PDE1C: variants seen among roughly 807,000 people sequenced by gnomAD.
PDE1C encodes the protein phosphodiesterase 1C.
A neutral mutation model predicts 93.1 loss-of-function variants in PDE1C; 62 were observed. That is an observed-to-expected ratio of 0.67 (90% CI 0.54 to 0.82). The LOEUF is 0.82. Among genes scored for constraint, PDE1C ranks in the 40% least tolerant of loss-of-function variants. The pLI is 0.00. For missense variants in PDE1C, 742 were observed against 884.6 expected, an observed-to-expected ratio of 0.84 and a Z score of 2.04; for synonymous variants, 325 against 310.1, an observed-to-expected ratio of 1.05 and a Z score of -0.50.
At chr7:31,861,960 C>T (rs1324923233) in intron 7 of PDE1C, among the ~76,000 whole-genome samples, 2 of 152,180 alleles carry the variant, frequency 1.3e-5, no homozygotes, top group Non-Finnish European at 2.9e-5. Flanking sequence ...CCTCATAATG[C>T]ACCACTGTCC....
chr7:31,631,212 GT>G, the PDE1C span, among the ~76,000 whole-genome samples: 1 of 152,102 alleles, frequency 6.6e-6, no homozygotes, highest in Non-Finnish European at 1.5e-5. Flanking sequence ...CCTATCAATT[GT>G]TTTTTACAGA....
chr7:31,888,788 G>C (rs998466253), intron 2 of PDE1C, among the ~76,000 whole-genome samples: 1 of 151,504 alleles, frequency 6.6e-6, no homozygotes, highest in Non-Finnish European at 1.5e-5. Context: ...AGAAATAATA[G>C]ACATAGGACT....
chr7:31,721,997 C>T, the PDE1C span, among the ~76,000 whole-genome samples: 8 of 152,202 alleles, frequency 5.3e-5, no homozygotes, highest in African/African-American at 1.9e-4. Context: ...AAGTATAACT[C>T]TTACGGCTCA....
chr7:32,198,700 T>C (rs1444296698), intron 2 of PDE1C, among the ~76,000 whole-genome samples: 1 of 152,218 alleles, frequency 6.6e-6, no homozygotes, highest in African/African-American at 2.4e-5. Flanking sequence ...CAGAAACTTT[T>C]CTTTGACAGC....
At chr7:31,859,857 T>C (rs1050078039) in intron 7 of PDE1C, among the ~76,000 whole-genome samples, 3 of 152,180 alleles carry the variant, frequency 2.0e-5, no homozygotes, top group Non-Finnish European at 2.9e-5. Flanking sequence ...CTATGTTTAA[T>C]AATATACATC....
At chr7:32,407,188 T>A (rs1785071368) in intron 1 of PDE1C, among the ~76,000 whole-genome samples, 1 of 151,830 alleles carries the variant, frequency 6.6e-6, no homozygotes, top group African/African-American at 2.4e-5. Context: ...GGCAAGAGAA[T>A]CACTTGAACC....
At chr7:31,775,594 A>C in intron 17 of PDE1C, 70 bp downstream of exon 17, 1 of 1,299,894 alleles carries the variant, frequency 7.7e-7, no homozygotes, top group Non-Finnish European at 1.1e-6. Context: ...TTATCAACCC[A>C]ATTCCCGAGA....
At chr7:31,709,669 A>C in the PDE1C span, among the ~76,000 whole-genome samples, 1 of 152,144 alleles carries the variant, frequency 6.6e-6, no homozygotes. Flanking sequence ...AACCAGACAA[A>C]ACATAACCAA....
At chr7:31,729,854 C>T in the PDE1C span, among the ~76,000 whole-genome samples, 4 of 152,126 alleles carry the variant, frequency 2.6e-5, no homozygotes, top group African/African-American at 9.7e-5. Context: ...TTCTCAGGAG[C>T]CTTCTGTAGA....
intron 2 of PDE1C, among the ~76,000 whole-genome samples, chr7:32,012,611 T>C (rs1563192490): frequency 6.6e-6 from 1 of 152,098 alleles, no homozygotes; most frequent in Non-Finnish European, 1.5e-5. Context: ...GGGATAGGCA[T>C]ATGGGGGAGA....
chr7:32,103,877 TAGG>T (rs1464822748), intron 3 of PDE1C, among the ~76,000 whole-genome samples: 5 of 151,626 alleles, frequency 3.3e-5, no homozygotes, highest in Non-Finnish European at 5.9e-5. Context: ...ACCCAAATAA[TAGG>T]AGAAGAGAAT....
intron 1 of PDE1C, among the ~76,000 whole-genome samples, chr7:32,332,741 G>A (rs1452499906): frequency 6.6e-6 from 1 of 152,110 alleles, no homozygotes; most frequent in Non-Finnish European, 1.5e-5. Context: ...ACAATAACAT[G>A]GATGAATCTC....
At chr7:32,322,543 G>T (rs564411440) in intron 1 of PDE1C, among the ~76,000 whole-genome samples, 2 of 152,300 alleles carry the variant, frequency 1.3e-5, no homozygotes, top group East Asian at 3.9e-4. Flanking sequence ...GTTCAAGGAT[G>T]CAGTAAGCTA....
At chr7:31,741,152 T>C in the PDE1C span, among the ~76,000 whole-genome samples, 1 of 152,218 alleles carries the variant, frequency 6.6e-6, no homozygotes, top group African/African-American at 2.4e-5. Flanking sequence ...TTTGATCTTT[T>C]AGTCTCAGCT....
intron 17 of PDE1C, among the ~76,000 whole-genome samples, chr7:31,774,300 C>A (rs1795691040): frequency 6.6e-6 from 1 of 151,630 alleles, no homozygotes; most frequent in Non-Finnish European, 1.5e-5. Flanking sequence ...ACTAAAAAAA[C>A]TGTTTTTTTA....
At chr7:32,184,305 C>T (rs1803682979) in intron 2 of PDE1C, among the ~76,000 whole-genome samples, 2 of 152,176 alleles carry the variant, frequency 1.3e-5, no homozygotes, top group African/African-American at 2.4e-5. Flanking sequence ...TGGGTATATA[C>T]CCAAAGGATT....
intron 2 of PDE1C, among the ~76,000 whole-genome samples, chr7:32,038,585 A>G (rs559311798): frequency 5.0e-4 from 76 of 152,290 alleles, no homozygotes; most frequent in African/African-American, 1.7e-3. Context: ...ACAAAGTTTA[A>G]GTGGTGGAAA....
chr7:31,901,027 A>T (rs1348015665), intron 2 of PDE1C, among the ~76,000 whole-genome samples: 2 of 151,810 alleles, frequency 1.3e-5, no homozygotes, highest in African/African-American at 4.8e-5. Flanking sequence ...AATGATAAAG[A>T]ATACATATTT....
At chr7:32,185,703 T>A in intron 2 of PDE1C, among the ~76,000 whole-genome samples, 1 of 152,240 alleles carries the variant, frequency 6.6e-6, no homozygotes, top group East Asian at 1.9e-4. Context: ...TTTTCTTCTC[T>A]GTCTACTTTC....
Sources: allele counts gnomAD v4.1 joint callset (sites outside exome capture counted in the v4.1 genomes callset), GRCh38; gene constraint gnomAD v4.1.1; transcripts MANE v1.5; gene names NCBI Gene and HGNC (gene_info 2026-07-23, HGNC 2026-07-21).